The following PTPRD variants were observed in gnomAD, a reference collection of about 807,000 sequenced individuals.
The protein encoded by PTPRD is receptor-type tyrosine-protein phosphatase delta.
PTPRD carries 34 observed loss-of-function variants against 214.5 expected under a neutral mutation model. The ratio of observed to expected loss-of-function variants is 0.16; its 90% CI spans 0.12 to 0.21. PTPRD has a LOEUF of 0.21. Ranked by LOEUF, PTPRD falls within the 10% of genes least tolerant of loss-of-function variation. The pLI is 1.00. For synonymous variants in PTPRD, 1,128 were observed against 845.7 expected (o/e 1.33, Z -5.79); for missense variants, 2,545 against 2,398.7 (o/e 1.06, Z -1.27).
intron 3 of PTPRD, among the ~76,000 whole-genome samples, chr9:10,221,568 A>G (rs184258816): frequency 1.3e-3 from 196 of 152,184 alleles, no homozygotes; most frequent in African/African-American, 4.5e-3. Context: ...CTGAGCCAAT[A>G]GGAATGCATT....
At chr9:9,071,703 C>T (rs1390288624) in intron 10 of PTPRD, among the ~76,000 whole-genome samples, 2 of 152,148 alleles carry the variant, frequency 1.3e-5, no homozygotes, top group African/African-American at 2.4e-5. Context: ...GATGAAAATG[C>T]AACCCGGCTG....
chr9:8,752,429 C>G (rs1188854386), intron 11 of PTPRD, among the ~76,000 whole-genome samples: 1 of 152,200 alleles, frequency 6.6e-6, no homozygotes, highest in South Asian at 2.1e-4. Context: ...CCTTGTTTAG[C>G]ATATCATCAA....
chr9:8,410,441 T>A (rs1589724088), intron 35 of PTPRD, among the ~76,000 whole-genome samples: 1 of 152,138 alleles, frequency 6.6e-6, no homozygotes, highest in Admixed American at 6.6e-5. Flanking sequence ...TAGTGTCAGG[T>A]GTGTGTCCTC....
chr9:9,982,464 G>GT (rs2095573379), intron 4 of PTPRD, among the ~76,000 whole-genome samples: 1 of 58,014 alleles, frequency 1.7e-5, no homozygotes, highest in East Asian at 4.5e-4. Flanking sequence ...TATTGTTGTT[G>GT]TGGTGGTGGT....
intron 7 of PTPRD, among the ~76,000 whole-genome samples, chr9:9,732,924 T>C (rs2098224821): frequency 7.0e-6 from 1 of 142,626 alleles, no homozygotes; most frequent in Admixed American, 6.9e-5. Context: ...AAAAAAAAAA[T>C]TACTAAGAAA....
intron 2 of PTPRD, among the ~76,000 whole-genome samples, chr9:10,470,504 G>A (rs2099023315): frequency 6.6e-6 from 1 of 152,108 alleles, no homozygotes; most frequent in South Asian, 2.1e-4. Flanking sequence ...TGTAATGAAA[G>A]TATGAAGACT....
intron 2 of PTPRD, among the ~76,000 whole-genome samples, chr9:10,369,454 C>T (rs1485822584): frequency 6.6e-6 from 1 of 151,898 alleles, no homozygotes; most frequent in Non-Finnish European, 1.5e-5. Context: ...GTAGGTGAGA[C>T]AGCTGAGTGT....
chr9:9,822,229 G>A (rs1314922029), intron 5 of PTPRD, among the ~76,000 whole-genome samples: 1 of 150,456 alleles, frequency 6.6e-6, no homozygotes, highest in Non-Finnish European at 1.5e-5. Context: ...TGGCCAACAT[G>A]GTGAAACCCC....
chr9:9,278,526 T>C (rs1343212608), intron 9 of PTPRD, among the ~76,000 whole-genome samples: 1 of 151,366 alleles, frequency 6.6e-6, no homozygotes, highest in Non-Finnish European at 1.5e-5. Flanking sequence ...AGGATATGTA[T>C]ATTTTAACGT....
intron 9 of PTPRD, among the ~76,000 whole-genome samples, chr9:9,254,122 C>A (rs1339660100): frequency 2.6e-5 from 4 of 152,078 alleles, no homozygotes; most frequent in Admixed American, 2.0e-4. Flanking sequence ...TTAATTACAT[C>A]TTCTAAGCAA....
chr9:8,507,509 T>C, intron 21 of PTPRD, 75 bp from the exon 22 acceptor site: 1 of 1,572,636 alleles, frequency 6.4e-7, no homozygotes, highest in East Asian at 2.2e-5. Flanking sequence ...TAGCGTAACC[T>C]GCTTAAACCT....
At chr9:8,936,626 T>C (rs1013738698) in intron 11 of PTPRD, among the ~76,000 whole-genome samples, 2 of 152,074 alleles carry the variant, frequency 1.3e-5, no homozygotes, top group Non-Finnish European at 2.9e-5. Context: ...TTACAGGGAA[T>C]AGAAACAATC....
chr9:8,726,456 G>C (rs1218720831), intron 12 of PTPRD, among the ~76,000 whole-genome samples: 5 of 149,808 alleles, frequency 3.3e-5, no homozygotes, highest in Non-Finnish European at 7.4e-5. Context: ...AGAAGGCCGG[G>C]TGTGGTGGCT....
chr9:8,525,440 C>T (rs757350262), intron 17 of PTPRD, among the ~76,000 whole-genome samples: 2 of 150,830 alleles, frequency 1.3e-5, no homozygotes, highest in Non-Finnish European at 3.0e-5. Flanking sequence ...TAGGTACGCT[C>T]AAAAAAAACC....
chr9:8,836,745 T>C (rs7024487), intron 11 of PTPRD, among the ~76,000 whole-genome samples: 71,304 of 150,854 alleles, frequency 0.47, 17,374 homozygotes, highest in African/African-American at 0.6. Flanking sequence ...TACAAGCGCA[T>C]GCCACCATGT....
chr9:8,320,048 A>T (rs971097643), intron 44 of PTPRD, 82 bp from the exon 45 acceptor site: 2 of 1,507,336 alleles, frequency 1.3e-6, no homozygotes, highest in East Asian at 2.3e-5. Context: ...ACATACTTCT[A>T]CCAGCTTCCA....
At chr9:8,638,056 T>G (rs1318847209) in intron 12 of PTPRD, among the ~76,000 whole-genome samples, 1 of 152,006 alleles carries the variant, frequency 6.6e-6, no homozygotes, top group Non-Finnish European at 1.5e-5. Context: ...TACAATTATG[T>G]TCTGGCTGAA....
intron 3 of PTPRD, among the ~76,000 whole-genome samples, chr9:10,280,534 A>G (rs929736415): frequency 6.6e-6 from 1 of 152,180 alleles, no homozygotes; most frequent in Admixed American, 6.5e-5. Flanking sequence ...TGTGTAAGAA[A>G]CACACGAAGA....
At chr9:9,919,595 T>C (rs975950623) in intron 5 of PTPRD, among the ~76,000 whole-genome samples, 7 of 152,308 alleles carry the variant, frequency 4.6e-5, no homozygotes, top group Admixed American at 1.3e-4. Flanking sequence ...AAATGAGAAG[T>C]TCCTGCCTGA....
Sources: allele counts gnomAD v4.1 joint callset (sites outside exome capture counted in the v4.1 genomes callset), GRCh38; gene constraint gnomAD v4.1.1; transcripts MANE v1.5; gene names NCBI Gene and HGNC (gene_info 2026-07-23, HGNC 2026-07-21).